MATR3: variants seen among roughly 807,000 people sequenced by gnomAD.
MATR3 encodes the protein matrin 3.
Under a neutral mutation model 85.5 loss-of-function variants are expected in MATR3, and 4 were observed. The ratio of observed to expected loss-of-function variants is 0.05; its 90% CI spans 0.02 to 0.11. MATR3 has a LOEUF of 0.11. Among genes scored for constraint, MATR3 ranks in the 10% least tolerant of loss-of-function variants. The pLI is 1.00. For synonymous variants in MATR3, 336 were observed against 343.1 expected (o/e 0.98, Z 0.23); for missense variants, 685 against 1,016.1 (o/e 0.67, Z 4.43).
rs1754753569 is a variant in MATR3 at position 139,307,165 on chromosome 5, A to G, written c.-177-74A>G. On this transcript the variant is annotated intron_variant, in intron 1 of 14. Transcript: ENST00000394805. The surrounding 1 kb of genome is among the most constrained non-coding windows in gnomAD (Gnocchi z 4.4). ...TTTTTTTTTTAAATCAACATGATGC[A>G]TAAGTTTTTTTTTCTTAAAAAAACG... is the stretch of plus-strand genomic sequence containing the variant. The G allele has an allele frequency of 5.5e-6, 6 of 1,084,884 alleles. No individual in the cohort carries two copies. The highest frequency in any genetic ancestry group is 5.8e-6 in the Non-Finnish European group (5 of 869,116). 67.2% of individuals were successfully genotyped at this position (1,084,884 alleles called of 1,614,324 possible). A position where few individuals can be genotyped will look rare whatever the true frequency, so the allele number is the denominator to read the frequency against.
rs1377144430 is a variant in MATR3 at position 139,330,532 on chromosome 5, A to G, written c.*1137A>G. ...TTTAAATCTAGAGTGAATTCTAAAG[A>G]CTGCCGCTAAAGATCTGAGTTTTAA... On this transcript the variant is annotated 3_prime_UTR_variant, in exon 15 of 15. Coordinates refer to ENST00000394805, the MANE Select transcript of MATR3 (RefSeq NM_018834.6). 2.2e-6 allele frequency: 1 copy of G among 454,152 alleles called. No individual in the cohort carries two copies. The highest frequency in any genetic ancestry group is 4.4e-6 in the Non-Finnish European group (1 of 226,804). The allele number at this position is 454,152 out of a possible 1,614,324, so 28.1% of individuals were successfully genotyped here. A position where few individuals can be genotyped will look rare whatever the true frequency, so the allele number is the denominator to read the frequency against.
intron 8 of MATR3, 76 bp downstream of exon 8, chr5:139,319,109 A>C (rs1755408006): frequency 6.6e-7 from 1 of 1,508,856 alleles, no homozygotes; most frequent in Admixed American, 1.7e-5. Flanking sequence ...GTTATTTCAA[A>C]TTATTGCTAA....
At chr5:139,303,541 T>C (rs1561930699) in intron 1 of MATR3, among the ~76,000 whole-genome samples, 3 of 152,120 alleles carry the variant, frequency 2.0e-5, no homozygotes, top group African/African-American at 2.4e-5. Flanking sequence ...GAGACCAGCC[T>C]GGCCAACATG....
chr5:139,319,300 AC>A, intron 8 of MATR3, 33 bp from the exon 9 acceptor site: 1 of 1,589,200 alleles, frequency 6.3e-7, no homozygotes, highest in Non-Finnish European at 8.6e-7. Flanking sequence ...TAATTATTGC[AC>A]ATTTGTCCTT....
intron 2 of MATR3, chr5:139,312,639 T>C (rs769882174): frequency 4.6e-5 from 7 of 152,190 alleles, no homozygotes; most frequent in Non-Finnish European, 7.3e-5. Context: ...CATTTTAGTT[T>C]ACAGGATTTT....
Position 139,318,944 on chromosome 5 carries a change from G to T in MATR3, c.1345G>T (p.Ala449Ser). 6.2e-7 allele frequency: 1 copy of T among 1,614,104 alleles called. No homozygotes were observed. ...AATGGCAACCACAGAGGATGCTCAGGCCGCAGTGGATTATTACACAACCAC... is the reference window on the plus strand; with the variant it reads ...AATGGCAACCACAGAGGATGCTCAGTCCGCAGTGGATTATTACACAACCAC... ...IEMATTEDAQ[A>S]AVDYYTTTPA... is the part of the protein sequence containing the mutation. The change falls in exon 8 of 15, where the codon GCC becomes TCC. Residue 449 changes from alanine to serine, a missense_variant. Ala to Ser is a moderately conservative substitution (Grantham distance 99). Transcript: ENST00000394805.
At position 139,325,570 on chromosome 5, in the gene MATR3, A is replaced by G; in HGVS notation, c.2279A>G (p.Glu760Gly). Reference sequence around the variant, plus strand: ...GATGATCCCAACAAAGATACAAGTGAAAACGCAGATGGTCAAAGTGATGAG... The same window carrying G: ...GATGATCCCAACAAAGATACAAGTGGAAACGCAGATGGTCAAAGTGATGAG... ...NADDPNKDTS[E>G]NADGQSDENK... is the part of the protein sequence containing the mutation. Residue 760 changes from glutamate to glycine, a missense_variant, in exon 13 of 15, where the codon GAA becomes GGA. This residue lies in a region of MATR3 where 215 missense variants were observed against 194.7 expected (regional missense o/e 1.10). Coordinates refer to ENST00000394805, the MANE Select transcript of MATR3 (RefSeq NM_018834.6). 1 of 1,614,232 alleles carries G rather than the reference A, an allele frequency of 6.2e-7. No homozygotes were observed. The highest frequency in any genetic ancestry group is 8.5e-7 in the Non-Finnish European group (1 of 1,180,044).
chr5:139,325,959 CT>C (rs1299155183), intron 13 of MATR3, among the ~76,000 whole-genome samples: 1 of 151,832 alleles, frequency 6.6e-6, no homozygotes, highest in Non-Finnish European at 1.5e-5. Flanking sequence ...TATTATATTT[CT>C]TTTTTTAAGA....
At chr5:139,286,484 T>A (rs756774243) in intron 3 of MATR3, among the ~76,000 whole-genome samples, 1 of 151,312 alleles carries the variant, frequency 6.6e-6, no homozygotes. Context: ...GACTTTTTAA[T>A]TTTATTATTT....
intron 6 of MATR3, 50 bp from the exon 7 acceptor site, chr5:139,317,546 T>C (rs752117851): frequency 6.3e-7 from 1 of 1,597,878 alleles, no homozygotes; most frequent in Non-Finnish European, 8.6e-7. Context: ...ATTGGTTTCA[T>C]ATTGCTTTAA....
At chr5:139,278,515 G>C (rs909609126) in intron 2 of MATR3, 10 of 381,332 alleles carry the variant, frequency 2.6e-5, no homozygotes. Context: ...ACCTGTATTT[G>C]TAAGATCCAT....
At chr5:139,325,382 A>G (rs1280590056) in intron 12 of MATR3, 58 bp from the exon 13 acceptor site, 1 of 1,589,426 alleles carries the variant, frequency 6.3e-7, no homozygotes, top group African/African-American at 1.3e-5. Context: ...AACTTCGTAA[A>G]TCGGGCATGG....
At chr5:139,293,944 C>A in intron 1 of MATR3, 139 bp downstream of exon 1, 3 of 1,243,308 alleles carry the variant, frequency 2.4e-6, no homozygotes, top group Non-Finnish European at 3.0e-6. Context: ...TGCCTCCCTC[C>A]GCGTTGCGTA....
chr5:139,292,951 AAAC>A (rs1046737014), upstream of MATR3, among the ~76,000 whole-genome samples: 4 of 152,074 alleles, frequency 2.6e-5, no homozygotes, highest in African/African-American at 9.7e-5. Flanking sequence ...TCAAAACAAA[AAAC>A]AAAACAAAAA....
chr5:139,291,599 G>A (rs868220173), upstream of MATR3, among the ~76,000 whole-genome samples: 5 of 152,042 alleles, frequency 3.3e-5, no homozygotes, highest in Non-Finnish European at 7.4e-5. Context: ...GTGCAATGGC[G>A]CGACCTTGGC....
At chr5:139,304,089 G>A (rs1258960476) in intron 1 of MATR3, among the ~76,000 whole-genome samples, 1 of 152,156 alleles carries the variant, frequency 6.6e-6, no homozygotes, top group Non-Finnish European at 1.5e-5. Flanking sequence ...ACTCAGATTT[G>A]TTTAGATGTT....
At chr5:139,326,139 A>G in intron 13 of MATR3, 24 bp from the exon 14 acceptor site, 1 of 1,564,596 alleles carries the variant, frequency 6.4e-7, no homozygotes, top group African/African-American at 1.4e-5. Flanking sequence ...TTTAATTTGT[A>G]AGAATGTATG....
chr5:139,297,039 G>A lies in MATR3; in HGVS notation c.-178+3234G>A, dbSNP rs376143457. On this transcript the variant is annotated intron_variant, in intron 1 of 14. Coordinates refer to ENST00000394805, the MANE Select transcript of MATR3 (RefSeq NM_018834.6). ...TTACAAAAATTAGCCGGGCGTGGTG[G>A]CAGGCACCTGTAATGTAATCCCAGC... Among the ~76,000 whole-genome samples the A allele has an allele frequency of 2.6e-4, 39 of 152,326 alleles. 1 individual carries two copies. In the South Asian group the frequency reaches 7.7e-3, roughly 30 times the overall value.
rs1018279337 is a variant in MATR3 at position 139,319,638 on chromosome 5, A to G, written c.1602+137A>G. 4 of 696,364 alleles carry G rather than the reference A, an allele frequency of 5.7e-6. No homozygotes were observed. In the African/African-American group the frequency reaches 7.2e-5, roughly 13 times the overall value. The allele number at this position is 696,364 out of a possible 1,614,324, so 43.1% of individuals were successfully genotyped here. ...CAAGGCAGGCAAATCACCTGAGGTCAGGAGTTCGAGACCAGCCTGGCCAGC... is the reference window on the plus strand; with the variant it reads ...CAAGGCAGGCAAATCACCTGAGGTCGGGAGTTCGAGACCAGCCTGGCCAGC... On this transcript the variant is annotated intron_variant, in intron 9 of 14. Coordinates refer to ENST00000394805, the MANE Select transcript of MATR3 (RefSeq NM_018834.6).
Sources: allele counts gnomAD v4.1 joint callset (sites outside exome capture counted in the v4.1 genomes callset), GRCh38; gene constraint gnomAD v4.1.1; regional missense constraint gnomAD v4.1.1; non-coding constraint Gnocchi (gnomAD v3.1); transcripts MANE v1.5; gene names NCBI Gene and HGNC (gene_info 2026-07-23, HGNC 2026-07-21).